Variants in ZMAT4 observed in about 807,000 individuals in gnomAD.
ZMAT4 encodes the protein zinc finger matrin-type 4.
Under a neutral mutation model 28.7 loss-of-function variants are expected in ZMAT4, and 17 were observed. That is an observed-to-expected ratio of 0.59 (90% CI 0.41 to 0.89). The LOEUF is 0.89. Ranked by LOEUF, ZMAT4 falls within the 40% of genes least tolerant of loss-of-function variation. The pLI is 0.00. For synonymous variants in ZMAT4, 117 were observed against 109.2 expected (o/e 1.07, Z -0.44); for missense variants, 240 against 283.8 (o/e 0.85, Z 1.11).
At chr8:40,679,443 G>A (rs1217134235) in intron 4 of ZMAT4, among the ~76,000 whole-genome samples, 1 of 152,108 alleles carries the variant, frequency 6.6e-6, no homozygotes, top group Non-Finnish European at 1.5e-5. Flanking sequence ...AGTTCCACAG[G>A]GCTGGGGAGG....
intron 5 of ZMAT4, among the ~76,000 whole-genome samples, chr8:40,603,222 T>C (rs1183219460): frequency 6.6e-6 from 1 of 152,226 alleles, no homozygotes; most frequent in East Asian, 1.9e-4. Flanking sequence ...TTGGCAAAGA[T>C]CAGTTGGCTG....
chr8:40,882,172 C>T (rs1237246619), intron 1 of ZMAT4, among the ~76,000 whole-genome samples: 3 of 152,126 alleles, frequency 2.0e-5, no homozygotes, highest in South Asian at 4.1e-4. Flanking sequence ...CACAGCTGAT[C>T]GTTCACTTGA....
intron 1 of ZMAT4, among the ~76,000 whole-genome samples, chr8:40,862,208 G>T (rs36166385): frequency 2.9e-3 from 448 of 152,166 alleles, no homozygotes; most frequent in Non-Finnish European, 5.3e-3. Context: ...AAGAAAATTT[G>T]GCACATATAC....
At chr8:40,821,371 C>T (rs1027882288) in intron 2 of ZMAT4, among the ~76,000 whole-genome samples, 1 of 152,192 alleles carries the variant, frequency 6.6e-6, no homozygotes, top group Non-Finnish European at 1.5e-5. Context: ...TCAGACTATT[C>T]GTCCAGTGAA....
intron 2 of ZMAT4, among the ~76,000 whole-genome samples, chr8:40,804,917 T>C (rs897101296): frequency 4.0e-5 from 6 of 151,610 alleles, no homozygotes; most frequent in Non-Finnish European, 5.9e-5. Flanking sequence ...TATACTATAA[T>C]ATCGTTTAAA....
intron 3 of ZMAT4, among the ~76,000 whole-genome samples, chr8:40,711,072 C>T (rs1385338723): frequency 6.6e-6 from 1 of 152,148 alleles, no homozygotes; most frequent in Non-Finnish European, 1.5e-5. Flanking sequence ...GCATGAGCCA[C>T]CGTGTGCGGC....
intron 6 of ZMAT4, among the ~76,000 whole-genome samples, chr8:40,577,966 T>G (rs959495978): frequency 3.3e-5 from 5 of 152,010 alleles, no homozygotes; most frequent in African/African-American, 9.7e-5. Context: ...CGCTGGTATA[T>G]ACCATGATTA....
At chr8:40,811,012 C>T (rs920274755) in intron 2 of ZMAT4, among the ~76,000 whole-genome samples, 4 of 152,000 alleles carry the variant, frequency 2.6e-5, no homozygotes, top group Admixed American at 6.6e-5. Flanking sequence ...AACGTGAAAG[C>T]TGAATAAAGC....
chr8:40,813,889 T>G (rs547711143), intron 2 of ZMAT4, among the ~76,000 whole-genome samples: 2 of 152,340 alleles, frequency 1.3e-5, no homozygotes, highest in African/African-American at 4.8e-5. Flanking sequence ...GAAAACAGTT[T>G]TGTTCTCTTT....
chr8:40,714,315 A>G (rs1043690686), intron 3 of ZMAT4, among the ~76,000 whole-genome samples: 3 of 152,220 alleles, frequency 2.0e-5, no homozygotes, highest in African/African-American at 7.2e-5. Flanking sequence ...TAACAGCAAA[A>G]TAAGCAGAAA....
intron 3 of ZMAT4, among the ~76,000 whole-genome samples, chr8:40,760,657 G>A (rs565761387): frequency 2.4e-4 from 37 of 152,026 alleles, no homozygotes; most frequent in South Asian, 2.1e-3. Flanking sequence ...TTTCATGGTC[G>A]AGGCAACATT....
chr8:40,628,151 T>A (rs1392011200), intron 5 of ZMAT4, among the ~76,000 whole-genome samples: 1 of 152,124 alleles, frequency 6.6e-6, no homozygotes, highest in African/African-American at 2.4e-5. Flanking sequence ...GCCTCACAGT[T>A]AAAGTCTGCC....
At position 40,880,285 on chromosome 8, in the gene ZMAT4, C is replaced by T. The variant is rs551736520; in HGVS notation, c.-5+17398G>A. Among the ~76,000 whole-genome samples the T allele has an allele frequency of 4.9e-3, 748 of 151,686 alleles. 7 individuals are homozygous for T. Among genetic ancestry groups the T allele is most frequent in the African/African-American group, 0.017 (718 of 41,318 alleles). ...TCGGGAGGCTGAGGCAGGAGAATCA[C>T]TCGAACCTGGGAGGCAGAGGTTGCA... On this transcript the variant is annotated intron_variant, in intron 1 of 6. Transcript: ENST00000297737.
At chr8:40,539,276 T>C (rs1040081953) in intron 6 of ZMAT4, among the ~76,000 whole-genome samples, 2 of 152,152 alleles carry the variant, frequency 1.3e-5, no homozygotes, top group Non-Finnish European at 2.9e-5. Context: ...AATAAACACA[T>C]GAGGAAAATC....
At chr8:40,826,854 T>G (rs1024843744) in intron 1 of ZMAT4, among the ~76,000 whole-genome samples, 3 of 152,104 alleles carry the variant, frequency 2.0e-5, no homozygotes, top group African/African-American at 7.2e-5. Flanking sequence ...CTGAAGGATC[T>G]CATGTTACCA....
intron 3 of ZMAT4, among the ~76,000 whole-genome samples, chr8:40,749,704 G>A (rs1233111317): frequency 1.3e-5 from 2 of 152,172 alleles, no homozygotes; most frequent in Non-Finnish European, 2.9e-5. Flanking sequence ...GCATGAAATG[G>A]TTGAGGCAGG....
intron 3 of ZMAT4, among the ~76,000 whole-genome samples, chr8:40,709,893 C>A (rs1810525086): frequency 6.6e-6 from 1 of 151,944 alleles, no homozygotes; most frequent in South Asian, 2.1e-4. Context: ...AAAAAATTAG[C>A]CGGGTGTGGT....
intron 2 of ZMAT4, among the ~76,000 whole-genome samples, chr8:40,795,303 G>A (rs1193792230): frequency 6.6e-6 from 1 of 152,114 alleles, no homozygotes; most frequent in Non-Finnish European, 1.5e-5. Context: ...AGAGGCCCTG[G>A]CACACCTGAC....
chr8:40,705,593 A>G (rs981382607), intron 3 of ZMAT4, among the ~76,000 whole-genome samples: 7 of 152,210 alleles, frequency 4.6e-5, no homozygotes, highest in African/African-American at 1.7e-4. Context: ...ATTAATTTCA[A>G]AAAACATTTT....
Sources: gnomAD v4.1 joint callset for allele counts (sites outside exome capture counted in the v4.1 genomes callset) on GRCh38, gnomAD v4.1.1 for gene constraint, MANE v1.5 for transcripts, NCBI Gene and HGNC (gene_info 2026-07-23, HGNC 2026-07-21) for gene names.